MRPS28: variants seen among roughly 807,000 people sequenced by gnomAD.
The protein encoded by MRPS28 is small ribosomal subunit protein bS1m.
MRPS28 carries 7 observed loss-of-function variants against 10.8 expected under a neutral mutation model. The observed-to-expected ratio is 0.65, with a 90% CI of 0.37 to 1.22. The LOEUF (loss-of-function observed/expected upper bound fraction) is 1.22, where lower values mean the gene tolerates loss of function less well. Ranked by LOEUF, MRPS28 falls within the 50% of genes most tolerant of loss-of-function variation. The probability of loss-of-function intolerance (pLI) is 0.02; values close to 1 mark genes in which losing one functional copy is unlikely to be tolerated. For synonymous variants in MRPS28, 121 were observed against 93.3 expected (o/e 1.30, Z -1.71); for missense variants, 265 against 232.9 (o/e 1.14, Z -0.90).
intron 2 of MRPS28, among the ~76,000 whole-genome samples, chr8:79,953,402 A>AC (rs1385308594): frequency 6.6e-6 from 1 of 152,212 alleles, no homozygotes; most frequent in Non-Finnish European, 1.5e-5. Flanking sequence ...GAATAGAGAT[A>AC]CCAGAAACAG....
Position 79,967,960 on chromosome 8 carries a change from C to T in MRPS28, c.395+35039G>A, listed in dbSNP as rs111874701. Among the ~76,000 whole-genome samples the T allele has an allele frequency of 3.3e-3, 504 of 152,078 alleles. 3 individuals carry two copies. Among genetic ancestry groups the T allele is most frequent in the African/African-American group, 0.012 (485 of 41,478 alleles). On this transcript the variant is annotated intron_variant, in intron 2 of 2. Coordinates refer to ENST00000276585, the MANE Select transcript of MRPS28 (RefSeq NM_014018.3). ...TCTTGAATGTACAGATTTAAATAAT[C>T]AAAAGTGAGTATGGCAAAATAATGC...
chr8:79,932,666 T>C (rs1405087924), intron 2 of MRPS28, among the ~76,000 whole-genome samples: 1 of 152,148 alleles, frequency 6.6e-6, no homozygotes, highest in African/African-American at 2.4e-5. Flanking sequence ...TAAGAATGAA[T>C]TCTAAGGGAC....
At chr8:79,983,731 AT>A (rs1808054185) in intron 2 of MRPS28, among the ~76,000 whole-genome samples, 1 of 152,210 alleles carries the variant, frequency 6.6e-6, no homozygotes, top group Admixed American at 6.5e-5. Context: ...AGAAAAAAGA[AT>A]AAAGAGAAAC....
At position 80,030,177 on chromosome 8, in the gene MRPS28, C is replaced by T. The variant is rs529942258; in HGVS notation, c.72G>A (p.Arg24=). ...TCTCAGTGCCTACACCCCGAAAGGGCCTGAAGAAGAGAAACACTCGCAGAA... is the reference window on the plus strand; with the variant it reads ...TCTCAGTGCCTACACCCCGAAAGGGTCTGAAGAAGAGAAACACTCGCAGAA... ...SHFLRVFLFF[R]PFRGVGTESG... is the part of the protein sequence containing the mutation. Residue 24 remains arginine (R), a synonymous_variant, in exon 1 of 3, where the codon AGG becomes AGA. Transcript: ENST00000276585. The T allele has an allele frequency of 4.7e-5, 76 of 1,614,148 alleles. 1 individual carries two copies. The South Asian group carries it at 7.1e-4, about 15-fold the overall frequency.
chr8:80,027,154 A>G (rs1367115846), intron 1 of MRPS28, among the ~76,000 whole-genome samples: 5 of 152,226 alleles, frequency 3.3e-5, no homozygotes, highest in Admixed American at 3.3e-4. Flanking sequence ...CATCTCTGTG[A>G]AACTATTCTC....
At chr8:79,982,756 G>T (rs1808004155) in intron 2 of MRPS28, among the ~76,000 whole-genome samples, 1 of 152,224 alleles carries the variant, frequency 6.6e-6, no homozygotes, top group Non-Finnish European at 1.5e-5. Flanking sequence ...AAACAAAGCA[G>T]CCGGGAAGCT....
At chr8:79,921,690 A>T (rs530487630) in intron 2 of MRPS28, among the ~76,000 whole-genome samples, 1 of 152,116 alleles carries the variant, frequency 6.6e-6, no homozygotes, top group East Asian at 1.9e-4. Context: ...GGGCTGAGAC[A>T]ATGGGGTTTT....
At chr8:79,920,611 T>C (rs1470066729) in intron 2 of MRPS28, among the ~76,000 whole-genome samples, 2 of 152,256 alleles carry the variant, frequency 1.3e-5, no homozygotes, top group Non-Finnish European at 2.9e-5. Context: ...TATCTGTTCA[T>C]ATCCTTCATC....
chr8:79,979,981 T>C (rs79059014), intron 2 of MRPS28, among the ~76,000 whole-genome samples: 2,714 of 150,638 alleles, frequency 0.018, 31 homozygotes, highest in South Asian at 0.027. Context: ...ACAAGTTTTC[T>C]GCTATTTGCA....
chr8:79,934,067 T>G (rs1382436492), intron 2 of MRPS28, among the ~76,000 whole-genome samples: 2 of 152,214 alleles, frequency 1.3e-5, no homozygotes, highest in Non-Finnish European at 2.9e-5. Context: ...GACTATCTGA[T>G]GAATCCTTTG....
At chr8:79,920,477 A>G (rs1292870828) in intron 2 of MRPS28, among the ~76,000 whole-genome samples, 10 of 152,068 alleles carry the variant, frequency 6.6e-5, no homozygotes, top group Non-Finnish European at 1.2e-4. Flanking sequence ...TTTAATGATC[A>G]CCATTCTAAC....
chr8:79,938,228 G>T (rs1181764501), intron 2 of MRPS28, among the ~76,000 whole-genome samples: 1 of 92,264 alleles, frequency 1.1e-5, no homozygotes, highest in Non-Finnish European at 2.7e-5. Flanking sequence ...AAAGACATAG[G>T]TGGGGGGGGG....
At chr8:80,014,180 A>G (rs1229665698) in intron 1 of MRPS28, among the ~76,000 whole-genome samples, 2 of 152,224 alleles carry the variant, frequency 1.3e-5, no homozygotes, top group Non-Finnish European at 2.9e-5. Flanking sequence ...GACAAGCTGA[A>G]AACAAGGAGA....
intron 2 of MRPS28, among the ~76,000 whole-genome samples, 161 bp downstream of exon 2, chr8:80,002,838 A>C (rs1355764243): frequency 6.6e-6 from 1 of 152,248 alleles, no homozygotes; most frequent in African/African-American, 2.4e-5. Context: ...TGACATGACC[A>C]ACAAGTATTT....
chr8:79,919,668 T>A (rs77264849), intron 2 of MRPS28, among the ~76,000 whole-genome samples: 2,489 of 152,326 alleles, frequency 0.016, 71 homozygotes, highest in African/African-American at 0.058. Flanking sequence ...TTAAAGATTT[T>A]AAAACCACAG....
chr8:80,021,239 G>A (rs1809354584), intron 1 of MRPS28, among the ~76,000 whole-genome samples: 1 of 152,160 alleles, frequency 6.6e-6, no homozygotes, highest in Non-Finnish European at 1.5e-5. Flanking sequence ...TTGACCTCAT[G>A]TTCCGCCCAC....
intron 2 of MRPS28, among the ~76,000 whole-genome samples, chr8:79,989,891 C>T (rs934592380): frequency 1.1e-4 from 16 of 152,174 alleles, no homozygotes; most frequent in African/African-American, 3.6e-4. Flanking sequence ...CAGTGGCTCA[C>T]ACCTGTAATC....
intron 2 of MRPS28, among the ~76,000 whole-genome samples, chr8:79,930,390 CA>C (rs781582173): frequency 2.0e-5 from 3 of 152,208 alleles, no homozygotes; most frequent in Non-Finnish European, 2.9e-5. Context: ...CACTTTGTAA[CA>C]CTGCACTACA....
intron 1 of MRPS28, among the ~76,000 whole-genome samples, chr8:80,012,534 C>T (rs541311857): frequency 4.6e-5 from 7 of 152,290 alleles, no homozygotes; most frequent in African/African-American, 9.6e-5. Flanking sequence ...ATACTGTCAC[C>T]GCTGGATATG....
Sources: gnomAD v4.1 joint callset for allele counts (sites outside exome capture counted in the v4.1 genomes callset) on GRCh38, gnomAD v4.1.1 for gene constraint, MANE v1.5 for transcripts, NCBI Gene and HGNC (gene_info 2026-07-23, HGNC 2026-07-21) for gene names.